OPN5: variants seen among roughly 807,000 people sequenced by gnomAD.
OPN5 encodes the protein opsin 5.
Under a neutral mutation model 41.7 loss-of-function variants are expected in OPN5, and 18 were observed. The ratio of observed to expected loss-of-function variants is 0.43; its 90% CI spans 0.30 to 0.64. The LOEUF is 0.64. OPN5 is among the 30% of genes least tolerant of loss of function. The pLI is 0.13. For missense variants in OPN5, 318 were observed against 434.5 expected (o/e 0.73, Z 2.38); for synonymous variants, 178 against 164.3 (o/e 1.08, Z -0.64).
chr6:47,787,899 A>T (rs987516895), intron 2 of OPN5, among the ~76,000 whole-genome samples: 1 of 152,206 alleles, frequency 6.6e-6, no homozygotes, highest in African/African-American at 2.4e-5. Flanking sequence ...CTTAATTAAA[A>T]AAAAAGAGTT....
At chr6:47,813,374 T>C (rs1054274777) in intron 6 of OPN5, among the ~76,000 whole-genome samples, 5 of 152,164 alleles carry the variant, frequency 3.3e-5, no homozygotes, top group Non-Finnish European at 5.9e-5. Context: ...GTGAGACTTA[T>C]GAAATAATAT....
intron 4 of OPN5, among the ~76,000 whole-genome samples, chr6:47,807,855 C>T (rs1436273284): frequency 6.6e-6 from 1 of 151,388 alleles, no homozygotes; most frequent in Non-Finnish European, 1.5e-5. Context: ...TTTCCTGCTC[C>T]ATGGAGTCAT....
rs146199042 is a variant in OPN5, at chr6:47,811,683, C to T, written c.1008C>T (p.Thr336=). 1,035 of 1,611,248 alleles carry T rather than the reference C, an allele frequency of 6.4e-4. 5 individuals carry two copies. Among genetic ancestry groups the T allele is most frequent in the South Asian group, 3.4e-3 (308 of 90,966 alleles). The change falls in exon 6 of 7, where the codon ACC becomes ACT. Residue 336 remains threonine, a synonymous_variant. Transcript: ENST00000371211. ...CTTCTCCTATATCTAGGCTGCACAC[C>T]GTAACCACAGTCAGGAAGTCTTCTG... is the stretch of plus-strand genomic sequence containing the variant.
At chr6:47,806,933 G>A (rs1381354889) in intron 4 of OPN5, among the ~76,000 whole-genome samples, 1 of 152,122 alleles carries the variant, frequency 6.6e-6, no homozygotes, top group Admixed American at 6.5e-5. Context: ...CGAGGTGGGT[G>A]GATCACCTAA....
chr6:47,801,447 C>T (rs961704175), intron 4 of OPN5, among the ~76,000 whole-genome samples: 5 of 152,164 alleles, frequency 3.3e-5, no homozygotes, highest in Non-Finnish European at 5.9e-5. Flanking sequence ...TGACTCCTCC[C>T]TTTTATAACT....
intron 6 of OPN5, among the ~76,000 whole-genome samples, chr6:47,819,336 A>ATATATATATATATATATATATATATAT (rs1762524530): frequency 4.1e-5 from 1 of 24,322 alleles, no homozygotes; most frequent in Non-Finnish European, 8.1e-5. Flanking sequence ...GAAAATTAGG[A>ATATATATATATATATATATATATATAT]ATATATATAT....
exon 7 of OPN5, chr6:47,824,403 T>C: frequency 4.4e-6 from 1 of 224,914 alleles, no homozygotes; most frequent in Non-Finnish European, 8.9e-6. Flanking sequence ...ATTTGTTCTA[T>C]TGCAGATGAT....
exon 7 of OPN5, chr6:47,824,185 A>G (rs564774545): frequency 1.7e-6 from 1 of 598,630 alleles, no homozygotes; most frequent in East Asian, 2.8e-5. Context: ...TAACTGAGTT[A>G]TCTCATTCTG....
chr6:47,818,091 C>T (rs1277451503), intron 6 of OPN5, among the ~76,000 whole-genome samples: 1 of 152,138 alleles, frequency 6.6e-6, no homozygotes, highest in Admixed American at 6.5e-5. Context: ...CCAAGAGTTA[C>T]ACTTATCTAA....
chr6:47,823,087 A>T (rs1762682854), intron 6 of OPN5, among the ~76,000 whole-genome samples: 1 of 152,200 alleles, frequency 6.6e-6, no homozygotes, highest in Non-Finnish European at 1.5e-5. Context: ...AGTCATCAGA[A>T]CTGAATTCTG....
At position 47,797,715 on chromosome 6, in the gene OPN5, C is replaced by T. The variant is rs547180160; in HGVS notation, c.756+2152C>T. Among the ~76,000 whole-genome samples, 18 of 152,312 alleles carry T rather than the reference C, an allele frequency of 1.2e-4. No individual in the cohort carries two copies. In the South Asian group the frequency reaches 3.7e-3, roughly 32 times the overall value. ...TCTTCTTGCCATCCCCCTCACCTCT[C>T]TGTTTTCCATCCCCTATTATGTCAT... is the stretch of plus-strand genomic sequence containing the variant. On this transcript the variant is annotated intron_variant, in intron 4 of 6. Coordinates refer to ENST00000371211, the Ensembl canonical transcript of OPN5.
intron 4 of OPN5, among the ~76,000 whole-genome samples, chr6:47,801,162 T>C (rs944500001): frequency 3.0e-4 from 45 of 152,304 alleles, no homozygotes; most frequent in African/African-American, 1.1e-3. Context: ...AGACAGTAAG[T>C]GAGGCAAAGG....
chr6:47,804,533 G>A (rs1394778066), intron 4 of OPN5, among the ~76,000 whole-genome samples: 2 of 152,096 alleles, frequency 1.3e-5, no homozygotes, highest in African/African-American at 2.4e-5. Context: ...GAAAACTTTC[G>A]TGGCCTATAT....
chr6:47,808,113 C>T (rs371275634), intron 4 of OPN5, 41 bp from the exon 5 acceptor site: 2 of 1,608,952 alleles, frequency 1.2e-6, no homozygotes, highest in African/African-American at 2.7e-5. Context: ...TGTCCTTTAT[C>T]AGTCATCTTG....
At chr6:47,814,900 A>G (rs2114001014) in intron 6 of OPN5, among the ~76,000 whole-genome samples, 1 of 152,292 alleles carries the variant, frequency 6.6e-6, no homozygotes, top group South Asian at 2.1e-4. Context: ...ACACTTGGAA[A>G]GTTAATGGTT....
At chr6:47,815,913 C>A (rs1174699956) in intron 6 of OPN5, among the ~76,000 whole-genome samples, 1 of 152,150 alleles carries the variant, frequency 6.6e-6, no homozygotes, top group African/African-American at 2.4e-5. Flanking sequence ...AAACCATTAT[C>A]ATTGAAACTG....
At chr6:47,824,266 G>A (rs1015548204) in exon 7 of OPN5, 12 of 481,102 alleles carry the variant, frequency 2.5e-5, no homozygotes, top group Admixed American at 1.7e-4. Flanking sequence ...TGCACACCTC[G>A]GTCTCGTCAG....
rs148976492 is a variant in OPN5 at position 47,823,796 on chromosome 6, G to C, written c.1057-187G>C. 1.8e-3 allele frequency among the ~76,000 whole-genome samples: 273 copies of C among 152,264 alleles called. 2 individuals carry two copies. Among genetic ancestry groups the C allele is most frequent in the African/African-American group, 6.5e-3 (268 of 41,546 alleles). Reference sequence around the variant, plus strand: ...TTAGAACATCCAGGAAGGGAACAGGGCAGGATGCACCTGCAAAGAGGACTC... The same window carrying C: ...TTAGAACATCCAGGAAGGGAACAGGCCAGGATGCACCTGCAAAGAGGACTC... On this transcript the variant is annotated intron_variant, in intron 6 of 6. Transcript: ENST00000371211.
chr6:47,811,948 G>A (rs757328122), intron 6 of OPN5: 55 of 361,656 alleles, frequency 1.5e-4, no homozygotes, highest in Admixed American at 1.7e-4. Flanking sequence ...CAGGATGAGC[G>A]TCCCTGGAAC....
Sources: allele counts gnomAD v4.1 joint callset (sites outside exome capture counted in the v4.1 genomes callset), GRCh38; gene constraint gnomAD v4.1.1; transcripts MANE v1.5; gene names NCBI Gene and HGNC (gene_info 2026-07-23, HGNC 2026-07-21).